Variants in PRKCE observed in about 807,000 individuals in gnomAD.
PRKCE encodes protein kinase C epsilon type.
A neutral mutation model predicts 85.4 loss-of-function variants in PRKCE; 16 were observed. The observed-to-expected ratio is 0.19, with a 90% CI of 0.13 to 0.28. PRKCE has a LOEUF of 0.28. Among genes scored for constraint, PRKCE ranks in the 10% least tolerant of loss-of-function variants. PRKCE has a pLI of 1.00. For synonymous variants in PRKCE, 388 were observed against 371.5 expected (o/e 1.04, Z -0.51); for missense variants, 573 against 975.2 (o/e 0.59, Z 5.49).
At chr2:46,160,736 G>A (rs1190254036) in intron 14 of PRKCE, among the ~76,000 whole-genome samples, 3 of 152,188 alleles carry the variant, frequency 2.0e-5, no homozygotes, top group African/African-American at 7.2e-5. Context: ...TTCTCCAAGT[G>A]CAGAAAAGAC....
chr2:46,012,009 T>A (rs773458449), intron 10 of PRKCE, among the ~76,000 whole-genome samples: 6 of 152,234 alleles, frequency 3.9e-5, no homozygotes, highest in Non-Finnish European at 5.9e-5. Context: ...AGTATAAGAA[T>A]TACTAACTCT....
intron 14 of PRKCE, among the ~76,000 whole-genome samples, chr2:46,174,265 C>T (rs1443218148): frequency 2.0e-5 from 3 of 152,206 alleles, no homozygotes; most frequent in Non-Finnish European, 4.4e-5. Flanking sequence ...AATGGTGGGC[C>T]AAGTGGCCTC....
chr2:45,933,364 G>A (rs546066227), intron 2 of PRKCE, among the ~76,000 whole-genome samples: 4 of 149,946 alleles, frequency 2.7e-5, no homozygotes, highest in African/African-American at 9.8e-5. Flanking sequence ...TGACCTTTTC[G>A]TATTCCATTC....
intron 1 of PRKCE, among the ~76,000 whole-genome samples, chr2:45,704,173 C>T (rs566024313): frequency 2.6e-5 from 4 of 152,290 alleles, no homozygotes; most frequent in African/African-American, 7.2e-5. Flanking sequence ...TCCATTTACT[C>T]CTTTCATTGT....
At position 45,743,502 on chromosome 2, in the gene PRKCE, G is replaced by A. The variant is rs947402782; in HGVS notation, c.348+91054G>A. Among the ~76,000 whole-genome samples, 14 of 151,750 alleles carry A rather than the reference G, an allele frequency of 9.2e-5. 1 individual carries two copies. The highest frequency in any genetic ancestry group is 3.4e-4 in the African/African-American group (14 of 41,310). ...AGAGGCCCAGGAGCTTTCGAGAGTA[G>A]ACTTGATGCTTTTTTGCCTTTGAAG... On this transcript the variant is annotated intron_variant, in intron 1 of 14. Transcript: ENST00000306156.
chr2:45,813,406 C>T (rs1439606190), intron 1 of PRKCE, among the ~76,000 whole-genome samples: 1 of 152,176 alleles, frequency 6.6e-6, no homozygotes, highest in Non-Finnish European at 1.5e-5. Context: ...CAGTGTGAAG[C>T]AGATGCAGTG....
rs367996840 is a variant in PRKCE, at chr2:45,865,916, C to G, written c.412+22853C>G. On this transcript the variant is annotated intron_variant, in intron 2 of 14. Coordinates refer to ENST00000306156, the MANE Select transcript of PRKCE (RefSeq NM_005400.3). Reference sequence around the variant, plus strand: ...CACTGCAGCCTCAACCTCACAGGCTCAAGTGATCCTACTGCTTCAGCCTCC... The same window carrying G: ...CACTGCAGCCTCAACCTCACAGGCTGAAGTGATCCTACTGCTTCAGCCTCC... 3.4e-4 allele frequency among the ~76,000 whole-genome samples: 51 copies of G among 150,938 alleles called. 1 individual carries two copies. In the South Asian group the frequency reaches 0.011, roughly 32 times the overall value.
chr2:46,039,423 A>G lies in PRKCE; in HGVS notation c.1437+28906A>G, dbSNP rs113738667. On this transcript the variant is annotated intron_variant, in intron 10 of 14. Coordinates refer to ENST00000306156, the MANE Select transcript of PRKCE (RefSeq NM_005400.3). The stretch of plus-strand genomic sequence containing the variant: ...ATTGGGGTTTCAGATCTCCATATGT[A>G]TATTCCAAAACATTATTGCTCAATG... 2.6e-3 allele frequency among the ~76,000 whole-genome samples: 401 copies of G among 152,232 alleles called. 3 individuals carry two copies. The highest frequency in any genetic ancestry group is 9.3e-3 in the African/African-American group (388 of 41,538).
chr2:46,178,102 A>G (rs1174735737), intron 14 of PRKCE, among the ~76,000 whole-genome samples: 1 of 152,208 alleles, frequency 6.6e-6, no homozygotes, highest in African/African-American at 2.4e-5. Flanking sequence ...TCTACTAAAA[A>G]TACAAAAGCT....
chr2:45,672,064 CAAAAAAAAA>C (rs3068989), intron 1 of PRKCE, among the ~76,000 whole-genome samples: 1 of 95,386 alleles, frequency 1.0e-5, no homozygotes, highest in Admixed American at 1.1e-4. Flanking sequence ...CCCCCTGTCT[CAAAAAAAAA>C]AAAAAAAAAA....
chr2:46,169,074 G>T (rs868277869), intron 14 of PRKCE, among the ~76,000 whole-genome samples: 1 of 152,174 alleles, frequency 6.6e-6, no homozygotes. Flanking sequence ...AAGGGTACAG[G>T]CACCAAGGGG....
intron 11 of PRKCE, among the ~76,000 whole-genome samples, chr2:46,095,296 C>T (rs1188996451): frequency 1.3e-5 from 2 of 152,134 alleles, no homozygotes; most frequent in East Asian, 1.9e-4. Context: ...TGGCCAGCAT[C>T]GCAGGAACCA....
chr2:45,888,448 TAGTA>T (rs1695459527), intron 2 of PRKCE, among the ~76,000 whole-genome samples: 1 of 149,334 alleles, frequency 6.7e-6, no homozygotes, highest in Non-Finnish European at 1.5e-5. Flanking sequence ...AATGCAGAAG[TAGTA>T]TTTCCCAACA....
At chr2:45,813,241 G>A (rs1294827146) in intron 1 of PRKCE, among the ~76,000 whole-genome samples, 1 of 152,198 alleles carries the variant, frequency 6.6e-6, no homozygotes, top group Non-Finnish European at 1.5e-5. Flanking sequence ...GCCTCCAAGG[G>A]CCTGGGATGG....
At chr2:45,756,491 C>T (rs1684016409) in intron 1 of PRKCE, among the ~76,000 whole-genome samples, 1 of 152,188 alleles carries the variant, frequency 6.6e-6, no homozygotes, top group Non-Finnish European at 1.5e-5. Context: ...CACTCTAGGC[C>T]TTAATTCAAG....
intron 10 of PRKCE, among the ~76,000 whole-genome samples, chr2:46,047,385 C>A (rs189905373): frequency 1.3e-5 from 2 of 152,276 alleles, no homozygotes; most frequent in East Asian, 3.9e-4. Context: ...TTTTATACAG[C>A]AATGAAGACA....
chr2:45,841,453 A>C (rs909710340), intron 1 of PRKCE, among the ~76,000 whole-genome samples: 2 of 152,252 alleles, frequency 1.3e-5, no homozygotes, highest in Admixed American at 1.3e-4. Flanking sequence ...AGCATCCAGC[A>C]CAAGAGAAAG....
chr2:46,090,409 C>T (rs1670051955), intron 11 of PRKCE, among the ~76,000 whole-genome samples: 1 of 152,076 alleles, frequency 6.6e-6, no homozygotes, highest in Non-Finnish European at 1.5e-5. Context: ...TTTGCTTGTT[C>T]CCTCTGCCAC....
intron 1 of PRKCE, among the ~76,000 whole-genome samples, chr2:45,655,974 G>A (rs1452851350): frequency 6.6e-6 from 1 of 151,970 alleles, no homozygotes; most frequent in African/African-American, 2.4e-5. Flanking sequence ...AGAAGGAGCA[G>A]TGTTCCTGGC....
Sources: gnomAD v4.1 joint callset for allele counts (sites outside exome capture counted in the v4.1 genomes callset) on GRCh38, gnomAD v4.1.1 for gene constraint, MANE v1.5 for transcripts, NCBI Gene and HGNC (gene_info 2026-07-23, HGNC 2026-07-21) for gene names.